Variants in CFAP100 observed in about 807,000 individuals in gnomAD.
CFAP100 encodes the protein cilia- and flagella-associated protein 100.
In CFAP100, 70 loss-of-function variants were observed where a neutral mutation model predicts 81.5. The observed-to-expected ratio is 0.86, with a 90% CI of 0.71 to 1.05. The LOEUF (loss-of-function observed/expected upper bound fraction) is 1.05, where lower values mean the gene tolerates loss of function less well. CFAP100 is among the 50% of genes least tolerant of loss of function. The pLI is 0.00. For missense variants in CFAP100, 811 were observed against 776.5 expected, an observed-to-expected ratio of 1.04 and a Z score of -0.53; for synonymous variants, 341 against 314.8, an observed-to-expected ratio of 1.08 and a Z score of -0.88.
chr3:126,406,387 C>T (rs1352033429), intron 2 of CFAP100, among the ~76,000 whole-genome samples: 3 of 152,222 alleles, frequency 2.0e-5, no homozygotes, highest in African/African-American at 4.8e-5. Context: ...CCCATCCCGC[C>T]CCAGGAGGAC....
intron 8 of CFAP100, 77 bp from the exon 9 acceptor site, chr3:126,419,560 G>A (rs1413235450): frequency 2.2e-6 from 3 of 1,358,302 alleles, no homozygotes; most frequent in Non-Finnish European, 2.1e-6. Flanking sequence ...GGATGGAGGG[G>A]TGGCCCCGGC....
intron 11 of CFAP100, among the ~76,000 whole-genome samples, chr3:126,422,342 C>T (rs35169523): frequency 0.22 from 33,720 of 152,232 alleles, 3,985 homozygotes; most frequent in East Asian, 0.36. Context: ...TAGTTGTTAT[C>T]ACAGCCTCTC....
intron 4 of CFAP100, among the ~76,000 whole-genome samples, chr3:126,416,022 G>C (rs921876599): frequency 6.6e-6 from 1 of 152,200 alleles, no homozygotes; most frequent in Non-Finnish European, 1.5e-5. Flanking sequence ...GTGGATTTCG[G>C]AGAAAATGAG....
intron 15 of CFAP100, among the ~76,000 whole-genome samples, chr3:126,435,073 C>A (rs949822310): frequency 6.6e-6 from 1 of 152,166 alleles, no homozygotes; most frequent in African/African-American, 2.4e-5. Context: ...ATCCGTCCCC[C>A]CAAGCACAGG....
intron 2 of CFAP100, among the ~76,000 whole-genome samples, chr3:126,404,162 A>T (rs1343653814): frequency 6.6e-6 from 1 of 152,242 alleles, no homozygotes; most frequent in Non-Finnish European, 1.5e-5. Flanking sequence ...AGAAATGCAG[A>T]TGAAAACTGA....
At chr3:126,411,361 GTTTTTTTTTTTTTTT>G (rs58954079) in intron 3 of CFAP100, among the ~76,000 whole-genome samples, 1 of 35,366 alleles carries the variant, frequency 2.8e-5, no homozygotes, top group African/African-American at 1.2e-4. Context: ...GTTGTTGTTG[GTTTTTTTTTTTTTTT>G]TTTTTTTTTT....
intron 11 of CFAP100, among the ~76,000 whole-genome samples, chr3:126,421,210 G>A (rs1398245822): frequency 5.3e-5 from 8 of 151,972 alleles, no homozygotes; most frequent in African/African-American, 1.9e-4. Context: ...TGCCATGTTG[G>A]GCAGGCTGGT....
intron 5 of CFAP100, chr3:126,416,749 G>C (rs2083250739): frequency 2.5e-6 from 1 of 402,454 alleles, no homozygotes. Context: ...CCTTATCCTT[G>C]GTTTCTCTTT....
chr3:126,421,976 C>G (rs1364747165), intron 11 of CFAP100, among the ~76,000 whole-genome samples: 1 of 152,244 alleles, frequency 6.6e-6, no homozygotes, highest in Non-Finnish European at 1.5e-5. Context: ...GGACTGCCCC[C>G]TACCAGACAG....
At chr3:126,410,889 T>C (rs969086588) in intron 3 of CFAP100, among the ~76,000 whole-genome samples, 11 of 152,232 alleles carry the variant, frequency 7.2e-5, no homozygotes, top group Non-Finnish European at 1.6e-4. Flanking sequence ...GCAGCACAAA[T>C]AGCTCATCTT....
intron 13 of CFAP100, among the ~76,000 whole-genome samples, chr3:126,427,358 C>T (rs146859837): frequency 1.3e-5 from 2 of 152,136 alleles, no homozygotes; most frequent in Non-Finnish European, 2.9e-5. Context: ...ACATAAGTAC[C>T]GTACACTCTG....
At chr3:126,396,328 T>A (rs1050451112) in intron 2 of CFAP100, among the ~76,000 whole-genome samples, 2 of 152,154 alleles carry the variant, frequency 1.3e-5, no homozygotes, top group African/African-American at 4.8e-5. Context: ...CTCCAAGGGC[T>A]CTGAGCGAGA....
At chr3:126,405,527 G>A (rs1403195760) in intron 2 of CFAP100, among the ~76,000 whole-genome samples, 6 of 152,146 alleles carry the variant, frequency 3.9e-5, no homozygotes, top group African/African-American at 1.4e-4. Context: ...GCTGGGGGTG[G>A]TGGTGCACAC....
At chr3:126,407,032 G>A (rs1475629669) in intron 2 of CFAP100, 140 bp from the exon 3 acceptor site, 7 of 562,432 alleles carry the variant, frequency 1.2e-5, no homozygotes, top group Non-Finnish European at 2.3e-5. Flanking sequence ...TCTCTGGGAT[G>A]TAGAGCCCTC....
chr3:126,423,232 G>C (rs2083359501), intron 11 of CFAP100, 93 bp from the exon 12 acceptor site: 1 of 1,020,060 alleles, frequency 9.8e-7, no homozygotes, highest in Non-Finnish European at 1.4e-6. Context: ...GGATGGGGAT[G>C]CTGCCAACGC....
intron 2 of CFAP100, among the ~76,000 whole-genome samples, chr3:126,405,749 T>A (rs1472656871): frequency 1.3e-5 from 2 of 152,078 alleles, no homozygotes; most frequent in Non-Finnish European, 2.9e-5. Context: ...ATCAAACCTG[T>A]GTTGTTTGAA....
At position 126,423,351 on chromosome 3, in the gene CFAP100, A is replaced by G. The variant is rs931612296; in HGVS notation, c.1109A>G (p.Gln370Arg). The G allele has an allele frequency of 1.2e-6, 2 of 1,613,554 alleles. No individual in the cohort carries two copies. Among genetic ancestry groups the G allele is most frequent in the African/African-American group, 1.3e-5 (1 of 74,984 alleles). Reference sequence around the variant, plus strand: ...TCGAACTCTCCCATCCCCCCCACGCAGGAGGACACCGACAGCGATGGGGAG... The same window carrying G: ...TCGAACTCTCCCATCCCCCCCACGCGGGAGGACACCGACAGCGATGGGGAG... Reference protein sequence around the residue: ...RGSNSPIPPTQEDTDSDGEEP... With the variant: ...RGSNSPIPPTREDTDSDGEEP... The change falls in exon 12 of 17, where the codon CAG (glutamine) becomes CGG (arginine). Residue 370 changes from glutamine to arginine, a missense_variant. Coordinates refer to ENST00000352312, the MANE Select transcript of CFAP100 (RefSeq NM_182628.3).
At chr3:126,418,015 AC>A in intron 5 of CFAP100, 57 of 181,102 alleles carry the variant, frequency 3.1e-4, no homozygotes, top group South Asian at 1.5e-3. Flanking sequence ...GGCAGTGTAG[AC>A]TCAGCCTCTG....
rs956725377 is a variant in CFAP100 at position 126,416,466 on chromosome 3, G to T, written c.376G>T (p.Ala126Ser). ...GCGCGCCGAGGCCGAGCATCAGCGC[G>T]CCTTCCGCGACTACACGACCTGGAA... ...EARAEAEHQR[A>S]FRDYTTWKLT... Residue 126 changes from alanine to serine, a missense_variant, in exon 5 of 17, where the codon GCC (alanine) becomes TCC (serine). Ala to Ser is a moderately conservative substitution (Grantham distance 99). Coordinates refer to ENST00000352312, the MANE Select transcript of CFAP100 (RefSeq NM_182628.3). 2.7e-5 allele frequency: 43 copies of T among 1,605,362 alleles called. No homozygotes were observed. The highest frequency in any genetic ancestry group is 3.6e-5 in the Non-Finnish European group (42 of 1,176,554).
Sources: allele counts gnomAD v4.1 joint callset (sites outside exome capture counted in the v4.1 genomes callset), GRCh38; gene constraint gnomAD v4.1.1; transcripts MANE v1.5; gene names NCBI Gene and HGNC (gene_info 2026-07-23, HGNC 2026-07-21).